The following BMS1 variants were observed in gnomAD, a reference collection of about 807,000 sequenced individuals.
BMS1 encodes BMS1 ribosome biogenesis factor.
A neutral mutation model predicts 138.7 loss-of-function variants in BMS1; 53 were observed. The observed-to-expected ratio is 0.38, with a 90% CI of 0.31 to 0.48. The LOEUF is 0.48. Among genes scored for constraint, BMS1 ranks in the 20% least tolerant of loss-of-function variants. The probability of loss-of-function intolerance (pLI) is 0.97; values close to 1 mark genes in which losing one functional copy is unlikely to be tolerated. For missense variants in BMS1, 1,360 were observed against 1,565.5 expected, an observed-to-expected ratio of 0.87 and a Z score of 2.22; for synonymous variants, 504 against 539.9, an observed-to-expected ratio of 0.93 and a Z score of 0.92.
At chr10:42,803,029 T>G (rs1418871159) in intron 13 of BMS1, among the ~76,000 whole-genome samples, 1 of 152,194 alleles carries the variant, frequency 6.6e-6, no homozygotes, top group African/African-American at 2.4e-5. Context: ...TCATTCTTTT[T>G]GTTTTGTCTT....
chr10:42,824,535 G>A lies in BMS1; in HGVS notation c.3456+751G>A, dbSNP rs537701595. Among the ~76,000 whole-genome samples the A allele has an allele frequency of 7.9e-5, 12 of 152,186 alleles. No homozygotes were observed. The South Asian group carries it at 2.1e-3, about 26-fold the overall frequency. ...ACATTTGTAGCCTGGCTTGTGGTGC[G>A]ATATCCAAAAAATTATTGCTAAGGC... On this transcript the variant is annotated intron_variant, in intron 21 of 22. Transcript: ENST00000374518.
intron 4 of BMS1, 30 bp from the exon 5 acceptor site, chr10:42,790,293 T>C (rs1484723524): frequency 6.2e-7 from 1 of 1,611,042 alleles, no homozygotes; most frequent in Non-Finnish European, 8.5e-7. Context: ...TTTGGTAGTT[T>C]CTTTGAGAAA....
chr10:42,816,521 TGTGG>T, intron 13 of BMS1, 74 bp from the exon 14 acceptor site: 1 of 1,197,718 alleles, frequency 8.3e-7, no homozygotes, highest in Non-Finnish European at 1.2e-6. Context: ...CAGAGCACAC[TGTGG>T]GCCTGTGGTA....
intron 4 of BMS1, 70 bp from the exon 5 acceptor site, chr10:42,790,253 A>G (rs963182673): frequency 1.3e-6 from 2 of 1,520,000 alleles, no homozygotes; most frequent in Non-Finnish European, 9.0e-7. Flanking sequence ...GCCCGTGGCC[A>G]GTTGCCAACC....
rs1430178896 is a variant in BMS1 at position 42,785,475 on chromosome 10, T to C, written c.177-7T>C. On this transcript the variant is annotated splice_region_variant and splice_polypyrimidine_tract_variant and intron_variant, in intron 2 of 22. Transcript: ENST00000374518. ...ATTTATTTATTTGTTTATTTTTTAA[T>C]GAATAGGACTCAGGATTTGAAGACA... 6.4e-7 allele frequency: 1 copy of C among 1,570,416 alleles called. No homozygotes were observed. The highest frequency in any genetic ancestry group is 2.3e-5 in the East Asian group (1 of 44,430).
At chr10:42,809,952 A>ATTTT (rs34656411) in intron 13 of BMS1, among the ~76,000 whole-genome samples, 2 of 114,026 alleles carry the variant, frequency 1.8e-5, no homozygotes, top group South Asian at 3.1e-4. Context: ...TGTCTGGCTA[A>ATTTT]TTTTTTTTTT....
intron 22 of BMS1, 88 bp from the exon 23 acceptor site, chr10:42,830,778 C>T (rs1469309471): frequency 5.4e-6 from 6 of 1,109,804 alleles, no homozygotes; most frequent in Middle Eastern, 2.7e-4. Context: ...TCATTTGGAT[C>T]GTGGGTTGCC....
At chr10:42,817,256 CTAATGTT>C in intron 14 of BMS1, 55 bp from the exon 15 acceptor site, 1 of 1,253,000 alleles carries the variant, frequency 8.0e-7, no homozygotes, top group South Asian at 1.4e-5. Flanking sequence ...TTTAAAAAAG[CTAATGTT>C]TAAAGAAAAG....
At chr10:42,820,076 GCC>G (rs1275339173) in intron 15 of BMS1, 158 bp from the exon 16 acceptor site, 1 of 460,250 alleles carries the variant, frequency 2.2e-6, no homozygotes, top group African/African-American at 2.1e-5. Context: ...ACAGGCGTGA[GCC>G]ACTGTACCTG....
In BMS1 at chr10:42,833,607, T is replaced by C. The variant is rs1842833503; in HGVS notation, c.*2511T>C. 1 of 152,210 alleles carries C rather than the reference T, an allele frequency of 6.6e-6. No individual in the cohort carries two copies. The highest frequency in any genetic ancestry group is 2.4e-5 in the African/African-American group (1 of 41,446). The allele number at this position is 152,210 out of a possible 1,614,324, so 9.4% of individuals were successfully genotyped here. A position where few individuals can be genotyped will look rare whatever the true frequency, so the allele number is the denominator to read the frequency against. ...TGTGTATCGAAACATAGAAAAGGCG[T>C]AGCAAAAATACAGTATTGTGGAACC... On this transcript the variant is annotated 3_prime_UTR_variant, in exon 23 of 23. Coordinates refer to ENST00000374518, the MANE Select transcript of BMS1 (RefSeq NM_014753.4).
intron 14 of BMS1, 59 bp from the exon 15 acceptor site, chr10:42,817,259 A>G (rs1424884133): frequency 1.6e-6 from 2 of 1,260,178 alleles, no homozygotes; most frequent in African/African-American, 1.5e-5. Context: ...AAAAAAGCTA[A>G]TGTTTAAAGA....
chr10:42,794,911 C>T (rs1034085161), intron 9 of BMS1, among the ~76,000 whole-genome samples: 6 of 152,094 alleles, frequency 3.9e-5, no homozygotes, highest in African/African-American at 7.2e-5. Flanking sequence ...TATCCCTCCC[C>T]GCTCTGCCCA....
intron 8 of BMS1, among the ~76,000 whole-genome samples, chr10:42,793,392 C>T (rs1417573325): frequency 1.3e-5 from 2 of 151,972 alleles, no homozygotes; most frequent in Non-Finnish European, 2.9e-5. Flanking sequence ...GGCATTGCTG[C>T]TGTGTGGCGC....
Position 42,794,457 on chromosome 10 carries a change from T to C in BMS1, c.1229+466T>C, listed in dbSNP as rs12263889. On this transcript the variant is annotated intron_variant, in intron 9 of 22. Transcript: ENST00000374518. ...TTTTCCAGTCTGGGTTGGGGATTTG[T>C]ATACCTTTATATGCAGTGGATGTTT... 6.2e-3 allele frequency among the ~76,000 whole-genome samples: 944 copies of C among 152,046 alleles called. 9 individuals are homozygous for C. The highest frequency in any genetic ancestry group is 0.022 in the African/African-American group (895 of 41,426).
At chr10:42,812,448 GT>G (rs1018425651) in intron 13 of BMS1, among the ~76,000 whole-genome samples, 2 of 152,216 alleles carry the variant, frequency 1.3e-5, no homozygotes, top group Admixed American at 1.3e-4. Flanking sequence ...CCTCCGCCTA[GT>G]TTTAACAGTT....
chr10:42,801,104 C>T lies in BMS1; in HGVS notation c.2248-1033C>T, dbSNP rs1841863869. Among the ~76,000 whole-genome samples the T allele has an allele frequency of 4.6e-5, 7 of 152,274 alleles. No homozygotes were observed. In the South Asian group the frequency reaches 1.5e-3, roughly 32 times the overall value. ...AATCACCCATAAGAAATCCTGATTTCTTTTAGTAGGAAATGGTATTTCAAC... is the reference window on the plus strand; with the variant it reads ...AATCACCCATAAGAAATCCTGATTTTTTTTAGTAGGAAATGGTATTTCAAC... On this transcript the variant is annotated intron_variant, in intron 12 of 22. Coordinates refer to ENST00000374518, the MANE Select transcript of BMS1 (RefSeq NM_014753.4).
In BMS1 at chr10:42,832,905, T is replaced by C. The variant is rs1842825339; in HGVS notation, c.*1809T>C. The C allele has an allele frequency of 1.3e-5, 2 of 152,230 alleles. No individual in the cohort carries two copies. Among genetic ancestry groups the C allele is most frequent in the Admixed American group, 1.3e-4 (2 of 15,268 alleles). The allele number at this position is 152,230 out of a possible 1,614,324, so 9.4% of individuals were successfully genotyped here. A position where few individuals can be genotyped will look rare whatever the true frequency, so the allele number is the denominator to read the frequency against. On this transcript the variant is annotated 3_prime_UTR_variant, in exon 23 of 23. Coordinates refer to ENST00000374518, the MANE Select transcript of BMS1 (RefSeq NM_014753.4). ...AATTTGTTATATAGCATAATTGATA[T>C]ATTTTAAAATGCAAAACTATAATTC...
At chr10:42,819,966 A>G (rs930972566) in intron 15 of BMS1, among the ~76,000 whole-genome samples, 5 of 151,918 alleles carry the variant, frequency 3.3e-5, no homozygotes, top group African/African-American at 1.2e-4. Context: ...TGATTTTGGT[A>G]TTTTTAGTAG....
In BMS1 at chr10:42,793,857, A is replaced by C. The variant is rs756026163; in HGVS notation, c.1095A>C (p.Glu365Asp). Residue 365 changes from glutamate to aspartate, a missense_variant, in exon 9 of 23, where the codon GAA (glutamate) becomes GAC (aspartate). Glu to Asp is a conservative substitution (Grantham distance 45, BLOSUM62 2). Coordinates refer to ENST00000374518, the MANE Select transcript of BMS1 (RefSeq NM_014753.4). The part of the protein sequence containing the change: ...DLGGSHVFQD[E>D]VGPTHELVQS... ...TTTCTTGGTGGTCTTGACAGGATGA[A>C]GTGGGGCCCACCCATGAGCTGGTCC... The C allele has an allele frequency of 5.6e-6, 9 of 1,611,252 alleles. No individual in the cohort carries two copies. Among genetic ancestry groups the C allele is most frequent in the Non-Finnish European group, 7.6e-6 (9 of 1,179,634 alleles).
Sources: gnomAD v4.1 joint callset for allele counts (sites outside exome capture counted in the v4.1 genomes callset) on GRCh38, gnomAD v4.1.1 for gene constraint, MANE v1.5 for transcripts, NCBI Gene and HGNC (gene_info 2026-07-23, HGNC 2026-07-21) for gene names.